Variants in GNE observed in about 807,000 individuals in gnomAD.
The protein encoded by GNE is glucosamine (UDP-N-acetyl)-2-epimerase/N-acetylmannosamine kinase.
Under a neutral mutation model 61.8 loss-of-function variants are expected in GNE, and 41 were observed. That is an observed-to-expected ratio of 0.66 (90% confidence interval 0.52 to 0.86). The LOEUF (loss-of-function observed/expected upper bound fraction) is 0.86. Among genes scored for constraint, GNE ranks in the 40% least tolerant of loss-of-function variants. GNE has a pLI of 0.00. For synonymous variants in GNE, 264 were observed against 326.4 expected (o/e 0.81, Z 2.06); for missense variants, 608 against 909.1 (o/e 0.67, Z 4.26).
chr9:36,247,971 A>T (rs1829959325), intron 2 of GNE, among the ~76,000 whole-genome samples: 1 of 146,386 alleles, frequency 6.8e-6, no homozygotes, highest in South Asian at 2.2e-4. Context: ...AGTTGCAGTG[A>T]GCCGAGATCA....
chr9:36,220,527 C>T (rs1828542299), intron 9 of GNE, among the ~76,000 whole-genome samples: 1 of 152,170 alleles, frequency 6.6e-6, no homozygotes, highest in Non-Finnish European at 1.5e-5. Flanking sequence ...CTCAAGTCAA[C>T]TTCAATAATG....
At chr9:36,234,988 G>A (rs1282616047) in intron 4 of GNE, among the ~76,000 whole-genome samples, 1 of 152,146 alleles carries the variant, frequency 6.6e-6, no homozygotes, top group African/African-American at 2.4e-5. Flanking sequence ...TACAGGTTGA[G>A]CATCCCTTAT....
At chr9:36,230,355 G>A (rs894341365) in intron 5 of GNE, among the ~76,000 whole-genome samples, 1 of 152,180 alleles carries the variant, frequency 6.6e-6, no homozygotes, top group Non-Finnish European at 1.5e-5. Flanking sequence ...CAACCTCACT[G>A]GTGTTCCTCT....
intron 1 of GNE, chr9:36,267,907 T>C (rs1458988831): frequency 6.6e-6 from 1 of 151,968 alleles, no homozygotes; most frequent in Non-Finnish European, 1.5e-5. Context: ...CCCAACACTT[T>C]TGTGATCATT....
At chr9:36,254,966 TG>T (rs923522077) in intron 1 of GNE, among the ~76,000 whole-genome samples, 1 of 151,840 alleles carries the variant, frequency 6.6e-6, no homozygotes, top group African/African-American at 2.4e-5. Context: ...AAAAAATAAT[TG>T]GGTTTCTCAG....
At chr9:36,222,375 C>T (rs1000551297) in intron 9 of GNE, among the ~76,000 whole-genome samples, 6 of 149,110 alleles carry the variant, frequency 4.0e-5, no homozygotes, top group Admixed American at 2.7e-4. Context: ...GCCGAGATCC[C>T]GCCACTGCAC....
At chr9:36,245,546 C>T (rs545588976) in intron 3 of GNE, among the ~76,000 whole-genome samples, 5 of 151,752 alleles carry the variant, frequency 3.3e-5, no homozygotes, top group South Asian at 2.1e-4. Context: ...TGGTGGTCCA[C>T]GCTTGCAATC....
intron 1 of GNE, among the ~76,000 whole-genome samples, chr9:36,266,226 C>T (rs1830782772): frequency 6.6e-6 from 1 of 152,124 alleles, no homozygotes; most frequent in East Asian, 1.9e-4. Flanking sequence ...CCACCGCGCC[C>T]GACCTGGCCT....
chr9:36,249,597 G>T (rs886399761), intron 1 of GNE, among the ~76,000 whole-genome samples, 200 bp from the exon 2 acceptor site: 2 of 152,092 alleles, frequency 1.3e-5, no homozygotes, highest in African/African-American at 2.4e-5. Context: ...GAAACTCCAA[G>T]GCTGGGAGTG....
chr9:36,273,041 C>T (rs962981014), intron 1 of GNE, among the ~76,000 whole-genome samples: 8 of 150,774 alleles, frequency 5.3e-5, no homozygotes, highest in African/African-American at 1.5e-4. Context: ...GCCAAGATTG[C>T]ACCACTGCAC....
intron 1 of GNE, chr9:36,265,081 T>A: frequency 3.3e-6 from 1 of 301,786 alleles, no homozygotes. Flanking sequence ...TGGCAGGGTG[T>A]CTGCTGTGCT....
chr9:36,221,765 G>A (rs146937968), intron 9 of GNE, among the ~76,000 whole-genome samples: 5 of 152,086 alleles, frequency 3.3e-5, no homozygotes, highest in African/African-American at 1.2e-4. Flanking sequence ...AGGATCCCTC[G>A]AGCCCAGCAG....
intron 5 of GNE, among the ~76,000 whole-genome samples, chr9:36,232,250 T>A (rs1023096226): frequency 6.6e-6 from 1 of 152,100 alleles, no homozygotes; most frequent in Non-Finnish European, 1.5e-5. Context: ...CCATCTCTAA[T>A]ACTTCATCAA....
At chr9:36,220,255 AAC>A (rs1483300540) in intron 9 of GNE, among the ~76,000 whole-genome samples, 2 of 152,190 alleles carry the variant, frequency 1.3e-5, no homozygotes. Flanking sequence ...TGTGATTTCA[AAC>A]ACAGCTGTGG....
intron 4 of GNE, among the ~76,000 whole-genome samples, chr9:36,236,057 G>A (rs1339374927): frequency 1.3e-5 from 2 of 152,206 alleles, no homozygotes; most frequent in East Asian, 3.8e-4. Context: ...GTTGGGACTG[G>A]CTGGGGACTC....
At position 36,214,779 on chromosome 9, in the gene GNE, G is replaced by A. The variant is rs913622175; in HGVS notation, c.*2586C>T. ...ACTGAGCAGCCAAGCTTCCTTCCCAGGAATCACCATGGAATGTCTGAACAA... is the reference window on the plus strand; with the variant it reads ...ACTGAGCAGCCAAGCTTCCTTCCCAAGAATCACCATGGAATGTCTGAACAA... On this transcript the variant is annotated 3_prime_UTR_variant, in exon 12 of 12. Coordinates refer to ENST00000642385, the MANE Select transcript of GNE (RefSeq NM_005476.7). 1 of 152,138 alleles carries A rather than the reference G, an allele frequency of 6.6e-6. No individual in the cohort carries two copies. The highest frequency in any genetic ancestry group is 2.4e-5 in the African/African-American group (1 of 41,430). 9.4% of individuals were successfully genotyped at this position (152,138 alleles called of 1,614,324 possible).
intron 1 of GNE, among the ~76,000 whole-genome samples, chr9:36,265,883 T>C (rs1210294274): frequency 6.6e-6 from 1 of 152,200 alleles, no homozygotes; most frequent in Non-Finnish European, 1.5e-5. Context: ...CGGTAATGCT[T>C]GCTTGCCTGC....
upstream of GNE, among the ~76,000 whole-genome samples, chr9:36,259,359 T>G (rs1830532838): frequency 6.6e-6 from 1 of 151,224 alleles, no homozygotes; most frequent in African/African-American, 2.4e-5. Flanking sequence ...ACAAGAAACT[T>G]TGAATGAAGT....
intron 3 of GNE, among the ~76,000 whole-genome samples, chr9:36,237,898 G>A (rs1829462208): frequency 6.6e-6 from 1 of 151,572 alleles, no homozygotes; most frequent in Non-Finnish European, 1.5e-5. Flanking sequence ...ACATATCAGT[G>A]AGAGCATACA....
Sources: gnomAD v4.1 joint callset for allele counts (sites outside exome capture counted in the v4.1 genomes callset) on GRCh38, gnomAD v4.1.1 for gene constraint, MANE v1.5 for transcripts, NCBI Gene and HGNC (gene_info 2026-07-23, HGNC 2026-07-21) for gene names.